DPY19L1: variants seen among roughly 807,000 people sequenced by gnomAD.
The protein encoded by DPY19L1 is protein C-mannosyl-transferase DPY19L1.
A neutral mutation model predicts 96.9 loss-of-function variants in DPY19L1; 35 were observed. That is an observed-to-expected ratio of 0.36 (90% CI 0.28 to 0.48). The LOEUF (loss-of-function observed/expected upper bound fraction) is 0.48, where lower values mean the gene tolerates loss of function less well. Among genes scored for constraint, DPY19L1 ranks in the 20% least tolerant of loss-of-function variants. The probability of loss-of-function intolerance (pLI) is 0.99; values close to 1 mark genes in which losing one functional copy is unlikely to be tolerated. For synonymous variants in DPY19L1, 205 were observed against 252.6 expected (o/e 0.81, Z 1.79); for missense variants, 521 against 777.9 (o/e 0.67, Z 3.93).
chr7:34,957,982 A>G lies in DPY19L1; in HGVS notation c.1179+2T>C, dbSNP rs765915641. The G allele has an allele frequency of 6.4e-7, 1 of 1,556,646 alleles. No homozygotes were observed. Among genetic ancestry groups the G allele is most frequent in the South Asian group, 1.2e-5 (1 of 83,934 alleles). On this transcript the variant is annotated splice_donor_variant, in intron 11 of 21. Transcript: ENST00000638088. LOFTEE classifies it high-confidence loss of function. Reference sequence around the variant, plus strand: ...GCCATATAAGTGTTAAGGAATACTTACCCAAATAATTACCAAAGAAGAAGC... The same window carrying G: ...GCCATATAAGTGTTAAGGAATACTTGCCCAAATAATTACCAAAGAAGAAGC...
intron 11 of DPY19L1, 139 bp from the exon 12 acceptor site, chr7:34,955,506 A>C: frequency 9.2e-7 from 1 of 1,089,168 alleles, no homozygotes; most frequent in Non-Finnish European, 1.3e-6. Context: ...TACCATCCAC[A>C]TGCTCATTTC....
At chr7:34,959,926 TATATA>T (rs1562807001) in intron 10 of DPY19L1, among the ~76,000 whole-genome samples, 15 of 21,558 alleles carry the variant, frequency 7.0e-4, no homozygotes, top group African/African-American at 2.8e-3. Flanking sequence ...TATATATATT[TATATA>T]TATATATATA....
At position 35,014,771 on chromosome 7, in the gene DPY19L1, C is replaced by T. The variant is rs181799474; in HGVS notation, c.412-1066G>A. Among the ~76,000 whole-genome samples the T allele has an allele frequency of 7.1e-4, 108 of 152,196 alleles. 1 individual carries two copies. The highest frequency in any genetic ancestry group is 3.8e-4 in the Non-Finnish European group (26 of 68,022). ...TATTTGGAAATGGGATTCTTGCAGA[C>T]GTGATCAAGTTAAGATGAGGTCATA... On this transcript the variant is annotated intron_variant, in intron 3 of 21. Coordinates refer to ENST00000638088, the MANE Select transcript of DPY19L1 (RefSeq NM_001366673.1).
intron 6 of DPY19L1, among the ~76,000 whole-genome samples, chr7:34,999,079 A>G (rs1266852362): frequency 5.3e-5 from 8 of 152,258 alleles, no homozygotes; most frequent in Non-Finnish European, 1.2e-4. Context: ...ATACTAAAAA[A>G]AGTTTTCCTC....
rs143874115 is a variant in DPY19L1 at position 35,011,929 on chromosome 7, A to G, written c.550-479T>C. Among the ~76,000 whole-genome samples the G allele has an allele frequency of 6.0e-3, 908 of 152,354 alleles. 10 individuals are homozygous for G. Among genetic ancestry groups the G allele is most frequent in the African/African-American group, 0.019 (807 of 41,590 alleles). ...ATATTAAGTCTTACCACTTTTAATAATTAAAATAGTGTGATACTGGCACAA... is the reference window on the plus strand; with the variant it reads ...ATATTAAGTCTTACCACTTTTAATAGTTAAAATAGTGTGATACTGGCACAA... On this transcript the variant is annotated intron_variant, in intron 4 of 21. Transcript: ENST00000638088.
At chr7:35,003,956 G>A (rs1481899555) in intron 6 of DPY19L1, among the ~76,000 whole-genome samples, 1 of 152,142 alleles carries the variant, frequency 6.6e-6, no homozygotes, top group Non-Finnish European at 1.5e-5. Flanking sequence ...GTGGCCTGGC[G>A]GAGAGGGGCT....
At chr7:35,018,514 G>C in intron 2 of DPY19L1, 58 bp downstream of exon 2, 2 of 1,450,748 alleles carry the variant, frequency 1.4e-6, no homozygotes, top group South Asian at 1.2e-5. Context: ...ATGGGAAATA[G>C]CTTTAGCAAG....
chr7:34,970,033 A>G (rs776446377), intron 8 of DPY19L1, among the ~76,000 whole-genome samples: 4 of 152,208 alleles, frequency 2.6e-5, no homozygotes, highest in Non-Finnish European at 5.9e-5. Context: ...TAAGTGGAGG[A>G]AAAGATATGG....
At chr7:34,991,459 A>AC (rs1316746502) in intron 6 of DPY19L1, among the ~76,000 whole-genome samples, 1 of 152,240 alleles carries the variant, frequency 6.6e-6, no homozygotes, top group African/African-American at 2.4e-5. Context: ...AGAAAGCAGT[A>AC]CAGGCCAGGA....
At chr7:34,999,824 A>C (rs1375783670) in intron 6 of DPY19L1, among the ~76,000 whole-genome samples, 2 of 152,254 alleles carry the variant, frequency 1.3e-5, no homozygotes, top group African/African-American at 4.8e-5. Flanking sequence ...TTAAGTTACC[A>C]AATAAACAAT....
intron 8 of DPY19L1, among the ~76,000 whole-genome samples, chr7:34,972,203 C>T (rs1320096994): frequency 6.6e-6 from 1 of 152,220 alleles, no homozygotes; most frequent in Non-Finnish European, 1.5e-5. Flanking sequence ...TCTCCCCTCC[C>T]ACTCTGTGCC....
chr7:35,021,723 C>T (rs1476665967), intron 1 of DPY19L1, among the ~76,000 whole-genome samples: 1 of 152,142 alleles, frequency 6.6e-6, no homozygotes. Flanking sequence ...AGGAATTCTG[C>T]CCTGCACTGC....
rs1350874363 is a variant in DPY19L1, at chr7:35,018,588, C to G, written c.307G>C (p.Ala103Pro). The G allele has an allele frequency of 3.1e-6, 5 of 1,609,540 alleles. No homozygotes were observed. The South Asian group carries it at 4.5e-5, about 14-fold the overall frequency. ...TWTTLLLAVF[A>P]AVLHWSHITH... ...CAATCTTACCAGTGCAACACTGCTG[C>G]AAAAACAGCTGTAAGAAAAAAGAAA... is the stretch of plus-strand genomic sequence containing the variant. The change falls in exon 2 of 22, where the codon GCA (alanine) becomes CCA (proline). Residue 103 changes from alanine to proline, a missense_variant. Coordinates refer to ENST00000638088, the MANE Select transcript of DPY19L1 (RefSeq NM_001366673.1).
intron 1 of DPY19L1, among the ~76,000 whole-genome samples, chr7:35,022,381 T>C (rs1185077870): frequency 1.3e-5 from 2 of 152,234 alleles, no homozygotes; most frequent in Non-Finnish European, 2.9e-5. Flanking sequence ...TTTTGTAAGG[T>C]TCATAATTTT....
At chr7:34,992,129 C>T (rs1785182826) in intron 6 of DPY19L1, among the ~76,000 whole-genome samples, 1 of 152,132 alleles carries the variant, frequency 6.6e-6, no homozygotes, top group Non-Finnish European at 1.5e-5. Context: ...TGCAGGAGGT[C>T]GTTTCTCCAC....
chr7:35,015,865 T>C (rs1785834048), intron 3 of DPY19L1, among the ~76,000 whole-genome samples: 1 of 152,222 alleles, frequency 6.6e-6, no homozygotes, highest in Non-Finnish European at 1.5e-5. Context: ...GGTTGCCCTG[T>C]GAAGAAGCGA....
At chr7:35,007,850 T>A (rs1584252345) in intron 6 of DPY19L1, among the ~76,000 whole-genome samples, 1 of 152,224 alleles carries the variant, frequency 6.6e-6, no homozygotes. Context: ...TTCTATGAGA[T>A]CATACTTCAG....
intron 6 of DPY19L1, among the ~76,000 whole-genome samples, chr7:34,993,904 CAA>C (rs749626229): frequency 1.5e-5 from 2 of 134,084 alleles, no homozygotes; most frequent in Non-Finnish European, 3.2e-5. Flanking sequence ...TACGAAAATA[CAA>C]AAAAAAAAAA....
intron 8 of DPY19L1, among the ~76,000 whole-genome samples, chr7:34,972,879 T>C (rs1321315946): frequency 2.0e-5 from 3 of 152,184 alleles, no homozygotes; most frequent in Middle Eastern, 3.2e-3. Context: ...AAAAGCCATG[T>C]GATGGTTCTA....
Sources: gnomAD v4.1 joint callset for allele counts (sites outside exome capture counted in the v4.1 genomes callset) on GRCh38, gnomAD v4.1.1 for gene constraint, MANE v1.5 for transcripts, NCBI Gene and HGNC (gene_info 2026-07-23, HGNC 2026-07-21) for gene names.